Variants in KDM2B observed in about 807,000 individuals in gnomAD.
KDM2B encodes lysine-specific demethylase 2B.
Under a neutral mutation model 150.0 loss-of-function variants are expected in KDM2B, and 26 were observed. That is an observed-to-expected ratio of 0.17 (90% CI 0.13 to 0.24). The LOEUF (loss-of-function observed/expected upper bound fraction) is 0.24. Ranked by LOEUF, KDM2B falls within the 10% of genes least tolerant of loss-of-function variation. The pLI is 1.00. For synonymous variants in KDM2B, 734 were observed against 729.5 expected, an observed-to-expected ratio of 1.01 and a Z score of -0.10; for missense variants, 1,265 against 1,816.9, an observed-to-expected ratio of 0.70 and a Z score of 5.52.
At chr12:121,439,365 C>A (rs1689145275) in intron 22 of KDM2B, among the ~76,000 whole-genome samples, 1 of 150,206 alleles carries the variant, frequency 6.7e-6, no homozygotes, top group Admixed American at 6.7e-5. Context: ...GCAATTACTA[C>A]AACTCCAATG....
intron 4 of KDM2B, among the ~76,000 whole-genome samples, chr12:121,567,616 A>T (rs1890799806): frequency 6.6e-6 from 1 of 152,100 alleles, no homozygotes; most frequent in African/African-American, 2.4e-5. Context: ...AGCCAACTAC[A>T]AGCCAAGAAG....
the KDM2B span, chr12:121,420,207 T>A: frequency 6.3e-7 from 1 of 1,599,500 alleles, no homozygotes; most frequent in Admixed American, 1.7e-5. Context: ...TACAGATTGA[T>A]TCCTGACCTA....
the KDM2B span, among the ~76,000 whole-genome samples, chr12:121,410,114 A>G: frequency 1.3e-5 from 2 of 152,024 alleles, no homozygotes; most frequent in African/African-American, 2.4e-5. Context: ...AGATCGTGCC[A>G]TCGCACTCCA....
intron 12 of KDM2B, among the ~76,000 whole-genome samples, chr12:121,471,919 C>T (rs534661066): frequency 2.6e-5 from 4 of 152,194 alleles, no homozygotes; most frequent in East Asian, 1.9e-4. Flanking sequence ...GTCAGGAGTT[C>T]GAGACCAACC....
intron 4 of KDM2B, among the ~76,000 whole-genome samples, chr12:121,555,549 T>C (rs1031224245): frequency 6.6e-6 from 1 of 152,156 alleles, no homozygotes; most frequent in Non-Finnish European, 1.5e-5. Context: ...ATATTTGTAT[T>C]TTTTGTAGGG....
chr12:121,551,737 G>C (rs1889516145), intron 4 of KDM2B, among the ~76,000 whole-genome samples: 2 of 152,050 alleles, frequency 1.3e-5, no homozygotes, highest in Admixed American at 6.6e-5. Flanking sequence ...ATTTTTAGTA[G>C]AGATGGAGTT....
At chr12:121,532,326 G>A (rs1273693577) in intron 8 of KDM2B, among the ~76,000 whole-genome samples, 1 of 152,148 alleles carries the variant, frequency 6.6e-6, no homozygotes, top group Non-Finnish European at 1.5e-5. Flanking sequence ...CCAGTGAACT[G>A]GAGGCAAGGA....
At chr12:121,444,607 C>A in intron 14 of KDM2B, 71 bp from the exon 15 acceptor site, 1 of 1,288,806 alleles carries the variant, frequency 7.8e-7, no homozygotes, top group Middle Eastern at 1.8e-4. Flanking sequence ...GGCTCTGTGA[C>A]GCCACGTCTT....
chr12:121,491,337 C>G (rs528860038), intron 12 of KDM2B, among the ~76,000 whole-genome samples: 2 of 152,264 alleles, frequency 1.3e-5, no homozygotes, highest in Admixed American at 6.5e-5. Flanking sequence ...AATAGACAAA[C>G]TGCATCTGGA....
chr12:121,541,111 A>G (rs1351160855), intron 6 of KDM2B, among the ~76,000 whole-genome samples: 1 of 151,898 alleles, frequency 6.6e-6, no homozygotes, highest in Non-Finnish European at 1.5e-5. Context: ...ACATGCCTGT[A>G]ATCCCAGCTA....
At chr12:121,426,743 T>C (rs1240069714), downstream of KDM2B, among the ~76,000 whole-genome samples, 1 of 151,834 alleles carries the variant, frequency 6.6e-6, no homozygotes, top group African/African-American at 2.4e-5. Flanking sequence ...CTTCTGCCTT[T>C]TCCTCCTGAG....
Position 121,467,156 on chromosome 12 carries a change from A to ACCTGGT in KDM2B, c.1735-13818_1735-13813dup. Reference sequence around the variant, plus strand: ...CCCTCAGCCCCACCCCGGGCCGCCGACCTGGTCCGGCTCCGATTCATAGTC... The same window carrying ACCTGGT: ...CCCTCAGCCCCACCCCGGGCCGCCGACCTGGTCCTGGTCCGGCTCCGATTCATAGTC... On this transcript the variant is annotated intron_variant, in intron 12 of 22. Transcript: ENST00000377071. The surrounding 1 kb of genome is among the most constrained non-coding windows in gnomAD (Gnocchi z 5.1). The ACCTGGT allele has an allele frequency of 8.9e-7, 1 of 1,120,104 alleles. No individual in the cohort carries two copies. Among genetic ancestry groups the ACCTGGT allele is most frequent in the Non-Finnish European group, 1.1e-6 (1 of 897,940 alleles). The allele number at this position is 1,120,104 out of a possible 1,614,324, so 69.4% of individuals were successfully genotyped here.
At chr12:121,495,063 T>A (rs1361739346) in intron 11 of KDM2B, among the ~76,000 whole-genome samples, 3 of 150,852 alleles carry the variant, frequency 2.0e-5, no homozygotes, top group Admixed American at 6.6e-5. Flanking sequence ...AGTTGTATAA[T>A]CATAGCTCAC....
chr12:121,535,927 G>A, intron 6 of KDM2B: 1 of 393,760 alleles, frequency 2.5e-6, no homozygotes, highest in South Asian at 1.1e-4. Context: ...TCCCACTAGA[G>A]CCCCAGGTGG....
At chr12:121,504,708 T>C (rs1566348958) in intron 11 of KDM2B, among the ~76,000 whole-genome samples, 1 of 152,072 alleles carries the variant, frequency 6.6e-6, no homozygotes, top group Non-Finnish European at 1.5e-5. Context: ...TGCACACGAT[T>C]GTGAATTGTT....
chr12:121,522,935 C>T (rs1315561480), intron 8 of KDM2B, among the ~76,000 whole-genome samples: 1 of 152,218 alleles, frequency 6.6e-6, no homozygotes, highest in African/African-American at 2.4e-5. Context: ...CTGCATGGTC[C>T]ATGAAGGCTG....
chr12:121,474,280 G>A (rs1593873562), intron 12 of KDM2B, among the ~76,000 whole-genome samples: 1 of 152,170 alleles, frequency 6.6e-6, no homozygotes, highest in Non-Finnish European at 1.5e-5. Flanking sequence ...TTGGGAGGCC[G>A]AGGTGGGCAG....
intron 13 of KDM2B, 97 bp from the exon 14 acceptor site, chr12:121,445,515 C>T: frequency 7.7e-7 from 1 of 1,299,184 alleles, no homozygotes; most frequent in Non-Finnish European, 1.0e-6. Flanking sequence ...CCCCTTGGGC[C>T]TGCCAGGAGA....
intron 8 of KDM2B, among the ~76,000 whole-genome samples, chr12:121,530,888 G>A (rs1388372711): frequency 1.3e-5 from 2 of 152,104 alleles, no homozygotes; most frequent in Non-Finnish European, 2.9e-5. Context: ...GTTAGGCTCA[G>A]AGGATGGGGT....
Sources: gnomAD v4.1 joint callset for allele counts (sites outside exome capture counted in the v4.1 genomes callset) on GRCh38, gnomAD v4.1.1 for gene constraint, Gnocchi (gnomAD v3.1) non-coding constraint, MANE v1.5 for transcripts, NCBI Gene and HGNC (gene_info 2026-07-23, HGNC 2026-07-21) for gene names.